Variants in ROS1 observed in about 807,000 individuals in gnomAD.
The protein encoded by ROS1 is ROS proto-oncogene 1, receptor tyrosine kinase.
In ROS1, 263 loss-of-function variants were observed where a neutral mutation model predicts 273.5. The ratio of observed to expected loss-of-function variants is 0.96; its 90% CI spans 0.87 to 1.06. The LOEUF is 1.06. Ranked by LOEUF, ROS1 falls within the 50% of genes least tolerant of loss-of-function variation. The probability of loss-of-function intolerance (pLI) is 0.00; values close to 1 mark genes in which losing one functional copy is unlikely to be tolerated. For missense variants in ROS1, 2,833 were observed against 2,751.1 expected, an observed-to-expected ratio of 1.03 and a Z score of -0.67; for synonymous variants, 1,008 against 954.1, an observed-to-expected ratio of 1.06 and a Z score of -1.04.
chr6:117,405,798 A>T (rs1413015071), intron 5 of ROS1, among the ~76,000 whole-genome samples: 1 of 152,150 alleles, frequency 6.6e-6, no homozygotes, highest in Admixed American at 6.5e-5. Context: ...AGGCTCTGTT[A>T]CCAGGCAGCT....
At chr6:117,405,438 C>T (rs567831837) in intron 5 of ROS1, among the ~76,000 whole-genome samples, 21 of 152,158 alleles carry the variant, frequency 1.4e-4, no homozygotes, top group Admixed American at 8.5e-4. Flanking sequence ...CTCCATTTTC[C>T]TTCCCTTTCT....
chr6:117,327,621 G>A (rs1776738774), intron 33 of ROS1, among the ~76,000 whole-genome samples: 1 of 152,174 alleles, frequency 6.6e-6, no homozygotes, highest in African/African-American at 2.4e-5. Context: ...CCATTTTACA[G>A]ATGAGGAAAC....
At chr6:117,425,416 G>T in intron 1 of ROS1, 118 bp downstream of exon 1, 1 of 978,278 alleles carries the variant, frequency 1.0e-6, no homozygotes, top group African/African-American at 1.7e-5. Flanking sequence ...TTGCCTTGTT[G>T]CCACCACTTC....
intron 5 of ROS1, among the ~76,000 whole-genome samples, chr6:117,404,754 G>T (rs1009999895): frequency 1.3e-5 from 2 of 152,150 alleles, no homozygotes; most frequent in Non-Finnish European, 2.9e-5. Flanking sequence ...CAGGCGGGGG[G>T]AGCCAATGCT....
intron 39 of ROS1, among the ~76,000 whole-genome samples, chr6:117,313,793 T>G (rs917590508): frequency 6.6e-6 from 1 of 152,120 alleles, no homozygotes; most frequent in Admixed American, 6.6e-5. Context: ...CTCTGAGCAC[T>G]CCATGTGGGG....
At chr6:117,375,634 A>T (rs537518809) in intron 18 of ROS1, among the ~76,000 whole-genome samples, 1 of 152,216 alleles carries the variant, frequency 6.6e-6, no homozygotes, top group Non-Finnish European at 1.5e-5. Flanking sequence ...ACAATTTAAA[A>T]GTAAATAAAT....
chr6:117,320,162 T>A, intron 36 of ROS1, 132 bp from the exon 37 acceptor site: 1 of 762,550 alleles, frequency 1.3e-6, no homozygotes, highest in Non-Finnish European at 2.1e-6. Context: ...GTGTTTTATG[T>A]GACACGGTGA....
At chr6:117,328,675 T>C (rs1267940284) in intron 33 of ROS1, 3 of 601,540 alleles carry the variant, frequency 5.0e-6, no homozygotes, top group Non-Finnish European at 1.0e-5. Flanking sequence ...AGGAGTGTCT[T>C]TGGAATTTGG....
intron 43 of ROS1, among the ~76,000 whole-genome samples, chr6:117,289,804 G>C (rs998580565): frequency 6.6e-6 from 1 of 152,002 alleles, no homozygotes; most frequent in Non-Finnish European, 1.5e-5. Flanking sequence ...TTAGTACCTG[G>C]GTGTTGAACA....
intron 33 of ROS1, among the ~76,000 whole-genome samples, chr6:117,328,086 G>A (rs1776778216): frequency 6.6e-6 from 1 of 152,152 alleles, no homozygotes; most frequent in African/African-American, 2.4e-5. Flanking sequence ...CTTTATTGTG[G>A]CAACCCTTGG....
chr6:117,383,407 G>T lies in ROS1; in HGVS notation c.2391C>A (p.Tyr797Ter). 1 of 1,613,972 alleles carries T rather than the reference G, an allele frequency of 6.2e-7. No individual in the cohort carries two copies. Among genetic ancestry groups the T allele is most frequent in the Non-Finnish European group, 8.5e-7 (1 of 1,179,858 alleles). Residue 797 changes from tyrosine (Y) to a stop codon, truncating the protein, a stop_gained, in exon 17 of 44, where the codon TAC (tyrosine) becomes TAA (stop). Transcript: ENST00000368507. LOFTEE classifies it high-confidence loss of function. ...TTTCCACTGAATAGAGTGTGGTCCA[G>T]TAGAGATATCCACCAACTGAATCCA... ...MVVDSVGGYL[Y>*]WTTLYSVEST...
intron 7 of ROS1, among the ~76,000 whole-genome samples, chr6:117,398,734 G>A (rs1773705722): frequency 6.7e-6 from 1 of 150,004 alleles, no homozygotes; most frequent in Non-Finnish European, 1.5e-5. Flanking sequence ...CAGCACTTTA[G>A]GAGGCCGAGG....
At chr6:117,365,964 A>G in intron 19 of ROS1, 112 bp downstream of exon 19, 1 of 974,264 alleles carries the variant, frequency 1.0e-6, no homozygotes, top group Admixed American at 2.3e-5. Context: ...GAAATTACTG[A>G]AACCTTACTC....
chr6:117,394,183 C>T lies in ROS1; in HGVS notation c.1170G>A (p.Met390Ile). The T allele has an allele frequency of 1.3e-6, 2 of 1,591,960 alleles. No individual in the cohort carries two copies. The highest frequency in any genetic ancestry group is 1.7e-6 in the Non-Finnish European group (2 of 1,170,678). The part of the protein sequence containing the change: ...SISIDWLYQR[M>I]YFIMDELVCV... ...TAACCAGTTCATCCATGATGAAATACATTCTTTGATAAAGCCAATCTATGG... is the reference window on the plus strand; with the variant it reads ...TAACCAGTTCATCCATGATGAAATATATTCTTTGATAAAGCCAATCTATGG... Residue 390 changes from methionine to isoleucine, a missense_variant, in exon 11 of 44, where the codon ATG becomes ATA. By Grantham distance (10) the Met-to-Ile change is conservative (BLOSUM62 1). Transcript: ENST00000368507.
chr6:117,379,117 A>G lies in ROS1; in HGVS notation c.2524T>C (p.Trp842Arg), dbSNP rs61729670. ...TLDLSDGLLY[W>R]LVQDSQCIHL... The stretch of plus-strand genomic sequence containing the variant: ...ATACATTGACTGTCTTGAACCAACC[A>G]ATACAGGAGCCCATCACTGAGGTCT... The change falls in exon 18 of 44, where the codon TGG (tryptophan) becomes CGG (arginine). Residue 842 changes from tryptophan (W) to arginine (R), a missense_variant. Coordinates refer to ENST00000368507, the MANE Select transcript of ROS1 (RefSeq NM_001378902.1). 30 of 1,613,404 alleles carry G rather than the reference A, an allele frequency of 1.9e-5. No homozygotes were observed. In the African/African-American group the frequency reaches 3.6e-4, roughly 19 times the overall value.
At chr6:117,320,231 C>A (rs894894088) in intron 36 of ROS1, among the ~76,000 whole-genome samples, 31 of 152,200 alleles carry the variant, frequency 2.0e-4, no homozygotes, top group Admixed American at 1.4e-3. Flanking sequence ...TTTACCCAGA[C>A]AGAGCATGAT....
Position 117,357,941 on chromosome 6 carries a change from G to A in ROS1, c.3702C>T (p.Tyr1234=). ...ITIDWISRHL[Y]FALKESQNGM... ...CATTTTGTGATTCTTTCAGTGCAAA[G>A]TAGAGGTGCCTTGAAATCCAGTCAA... is the stretch of plus-strand genomic sequence containing the variant. Residue 1234 remains tyrosine, a synonymous_variant, in exon 25 of 44, where the codon TAC becomes TAT. Coordinates refer to ENST00000368507, the MANE Select transcript of ROS1 (RefSeq NM_001378902.1). 1 of 1,613,620 alleles carries A rather than the reference G, an allele frequency of 6.2e-7. No individual in the cohort carries two copies. The highest frequency in any genetic ancestry group is 2.2e-5 in the East Asian group (1 of 44,830).
chr6:117,287,737 T>TGGCCA lies in ROS1; in HGVS notation c.*754_*755insTGGCC, dbSNP rs2128519877. 6.6e-6 allele frequency among the ~76,000 whole-genome samples: 1 copy of TGGCCA among 152,164 alleles called. No individual in the cohort carries two copies. The highest frequency in any genetic ancestry group is 1.9e-4 in the East Asian group (1 of 5,166). ...GAGTTCTAGACCAGCCTGGCCAATATGGTGAAACCTCATCTCTACTAAAAA... is the reference window on the plus strand; with the variant it reads ...GAGTTCTAGACCAGCCTGGCCAATATGGCCAGGTGAAACCTCATCTCTACTAAAAA... On this transcript the variant is annotated 3_prime_UTR_variant, in exon 44 of 44. Coordinates refer to ENST00000368507, the MANE Select transcript of ROS1 (RefSeq NM_001378902.1).
intron 18 of ROS1, among the ~76,000 whole-genome samples, chr6:117,378,642 C>T (rs9688879): frequency 0.095 from 14,480 of 151,996 alleles, 818 homozygotes; most frequent in Admixed American, 0.18. Flanking sequence ...GTAGAGATAC[C>T]GACAAGATCA....
Sources: gnomAD v4.1 joint callset for allele counts (sites outside exome capture counted in the v4.1 genomes callset) on GRCh38, gnomAD v4.1.1 for gene constraint, MANE v1.5 for transcripts, NCBI Gene and HGNC (gene_info 2026-07-23, HGNC 2026-07-21) for gene names.